Variants in RAB6A observed in about 807,000 individuals in gnomAD.
RAB6A encodes RAB6A, member RAS oncogene family.
In RAB6A, 8 loss-of-function variants were observed where a neutral mutation model predicts 32.3. The ratio of observed to expected loss-of-function variants is 0.25; its 90% CI spans 0.15 to 0.45. RAB6A has a LOEUF of 0.45. Ranked by LOEUF, RAB6A falls within the 20% of genes least tolerant of loss-of-function variation. RAB6A has a pLI of 1.00. For synonymous variants in RAB6A, 73 were observed against 82.1 expected, an observed-to-expected ratio of 0.89 and a Z score of 0.60; for missense variants, 104 against 249.4, an observed-to-expected ratio of 0.42 and a Z score of 3.93.
intron 1 of RAB6A, among the ~76,000 whole-genome samples, chr11:73,733,590 TAAAG>T (rs1208277719): frequency 6.6e-6 from 1 of 150,530 alleles, no homozygotes; most frequent in Non-Finnish European, 1.5e-5. Flanking sequence ...AATAAATAAA[TAAAG>T]AGAATGGACA....
At chr11:73,722,689 G>GT (rs1208592827) in intron 2 of RAB6A, 1 of 151,792 alleles carries the variant, frequency 6.6e-6, no homozygotes, top group Non-Finnish European at 1.5e-5. Context: ...GTCTTTACAT[G>GT]TTTTTACATA....
chr11:73,746,761 GAAAT>G (rs1169826965), intron 1 of RAB6A, among the ~76,000 whole-genome samples: 1 of 144,864 alleles, frequency 6.9e-6, no homozygotes, highest in Non-Finnish European at 1.5e-5. Context: ...ACTCTGCCTC[GAAAT>G]AAATTAAAAA....
intron 1 of RAB6A, among the ~76,000 whole-genome samples, chr11:73,737,757 G>A (rs1013752417): frequency 2.6e-5 from 4 of 152,064 alleles, no homozygotes; most frequent in African/African-American, 4.8e-5. Context: ...CACTTTGGGA[G>A]GCCAAGGCGG....
chr11:73,739,949 C>A (rs1025805348), intron 1 of RAB6A, among the ~76,000 whole-genome samples: 1 of 151,904 alleles, frequency 6.6e-6, no homozygotes. Context: ...GTCCCAGCTA[C>A]TCAGGAGACT....
intron 6 of RAB6A, among the ~76,000 whole-genome samples, chr11:73,698,256 T>C (rs1043821538): frequency 2.0e-5 from 3 of 152,090 alleles, no homozygotes; most frequent in African/African-American, 7.2e-5. Flanking sequence ...AAAGTCCTAC[T>C]GTGTTAAGGA....
intron 5 of RAB6A, among the ~76,000 whole-genome samples, chr11:73,710,098 A>C (rs1002122232): frequency 6.8e-6 from 1 of 147,180 alleles, no homozygotes; most frequent in African/African-American, 2.5e-5. Context: ...AGCTGGGATT[A>C]CAGGCTCCCG....
intron 5 of RAB6A, among the ~76,000 whole-genome samples, chr11:73,711,330 A>G (rs1945954829): frequency 1.3e-5 from 2 of 152,056 alleles, no homozygotes; most frequent in South Asian, 2.1e-4. Context: ...ATACATCTGT[A>G]TTTCTCTCTT....
chr11:73,713,945 C>A (rs1946007549), intron 5 of RAB6A, among the ~76,000 whole-genome samples: 1 of 151,846 alleles, frequency 6.6e-6, no homozygotes, highest in African/African-American at 2.4e-5. Flanking sequence ...AATCCCAACA[C>A]TTTGGGAAGC....
At chr11:73,720,736 C>T (rs1276941820) in intron 3 of RAB6A, 110 bp downstream of exon 3, 1 of 843,918 alleles carries the variant, frequency 1.2e-6, no homozygotes, top group African/African-American at 1.7e-5. Context: ...TGTAAACTAT[C>T]TTTGGTAACT....
intron 6 of RAB6A, among the ~76,000 whole-genome samples, chr11:73,697,401 GCTCACTGCAACCTCCGC>G (rs1007841137): frequency 1.3e-4 from 19 of 151,956 alleles, no homozygotes; most frequent in South Asian, 4.2e-4. Context: ...CATGGTCTCG[GCTCACTGCAACCTCCGC>G]CTCACTGCAA....
intron 2 of RAB6A, among the ~76,000 whole-genome samples, chr11:73,729,310 G>A (rs1299693832): frequency 6.6e-6 from 1 of 152,112 alleles, no homozygotes; most frequent in African/African-American, 2.4e-5. Context: ...TATTGGCCAA[G>A]CTGGTCTTGT....
At chr11:73,697,592 C>T (rs1390900723) in intron 6 of RAB6A, among the ~76,000 whole-genome samples, 1 of 152,130 alleles carries the variant, frequency 6.6e-6, no homozygotes, top group Admixed American at 6.6e-5. Context: ...AGTGATCTGC[C>T]TGCTTCAGTC....
At chr11:73,722,367 T>TTTTTTTTTTTTG (rs1393411671) in intron 2 of RAB6A, 7 of 81,780 alleles carry the variant, frequency 8.6e-5, no homozygotes, top group Admixed American at 1.5e-4. Flanking sequence ...TTTTTTTTTT[T>TTTTTTTTTTTTG]GAGACAGTCT....
At position 73,705,490 on chromosome 11, in the gene RAB6A, G is replaced by A. The variant is rs1288400408; in HGVS notation, c.495+1930C>T. On this transcript the variant is annotated intron_variant, in intron 6 of 7. Transcript: ENST00000336083. ...TTGAACCCTGGAGGCAGAGGTTGCA[G>A]TGAGCCGAGATTGCACCACTGCACT... 2.7e-4 allele frequency among the ~76,000 whole-genome samples: 41 copies of A among 152,132 alleles called. 2 individuals are homozygous for A. Among genetic ancestry groups the A allele is most frequent in the Admixed American group, 2.7e-3 (41 of 15,264 alleles).
chr11:73,759,919 G>GATATGCGGAGTGTAGAT, intron 1 of RAB6A: 1 of 761,174 alleles, frequency 1.3e-6, no homozygotes, highest in Non-Finnish European at 1.9e-6. Flanking sequence ...CACTGCCGAC[G>GATATGCGGAGTGTAGAT]CTACCCCTTT....
intron 1 of RAB6A, among the ~76,000 whole-genome samples, chr11:73,731,715 TATATATATATATATATACACAC>T (rs1232622656): frequency 0.2 from 3,769 of 19,268 alleles, 135 homozygotes; most frequent in Non-Finnish European, 0.28. Context: ...TATATATATA[TATATATATATATATATACACAC>T]ACACACACAT....
At chr11:73,745,090 A>C (rs1273966171) in intron 1 of RAB6A, among the ~76,000 whole-genome samples, 3 of 152,224 alleles carry the variant, frequency 2.0e-5, no homozygotes, top group African/African-American at 7.2e-5. Context: ...TTTTAAATAA[A>C]GCATGATCCA....
At chr11:73,691,038 T>C (rs1264674747) in intron 6 of RAB6A, among the ~76,000 whole-genome samples, 1 of 97,876 alleles carries the variant, frequency 1.0e-5, no homozygotes, top group Non-Finnish European at 2.1e-5. Flanking sequence ...GGGGCGATGC[T>C]GGGGAAGAGA....
At chr11:73,747,175 C>CT (rs1394777983) in intron 1 of RAB6A, among the ~76,000 whole-genome samples, 1 of 150,712 alleles carries the variant, frequency 6.6e-6, no homozygotes, top group Non-Finnish European at 1.5e-5. Context: ...TTCAGTACAC[C>CT]TTTTACCTGG....
Sources: allele counts gnomAD v4.1 joint callset (sites outside exome capture counted in the v4.1 genomes callset), GRCh38; gene constraint gnomAD v4.1.1; transcripts MANE v1.5; gene names NCBI Gene and HGNC (gene_info 2026-07-23, HGNC 2026-07-21).